The following SLC39A12 variants were observed in gnomAD, a reference collection of about 807,000 sequenced individuals.
The protein encoded by SLC39A12 is solute carrier family 39 member 12, also known as zinc transporter ZIP12.
In SLC39A12, 63 loss-of-function variants were observed where a neutral mutation model predicts 71.1. The observed-to-expected ratio is 0.89, with a 90% CI of 0.72 to 1.09. SLC39A12 has a LOEUF of 1.09. Ranked by LOEUF, SLC39A12 falls within the 50% of genes least tolerant of loss-of-function variation. SLC39A12 has a pLI of 0.00. For missense variants in SLC39A12, 892 were observed against 812.6 expected (o/e 1.10, Z -1.19); for synonymous variants, 351 against 301.3 (o/e 1.16, Z -1.71).
chr10:18,042,451 C>T (rs1019692280), intron 12 of SLC39A12, among the ~76,000 whole-genome samples: 2 of 140,286 alleles, frequency 1.4e-5, no homozygotes, highest in African/African-American at 2.8e-5. Context: ...GGGCAAAGAC[C>T]CTGCCTCAAA....
At chr10:17,988,636 A>G (rs1319622012) in intron 7 of SLC39A12, among the ~76,000 whole-genome samples, 1 of 152,208 alleles carries the variant, frequency 6.6e-6, no homozygotes, top group African/African-American at 2.4e-5. Flanking sequence ...GCATCTCCTC[A>G]GCTACCTTGC....
chr10:18,026,344 A>G lies in SLC39A12; in HGVS notation c.1948-16361A>G, dbSNP rs1836677895. On this transcript the variant is annotated intron_variant, in intron 12 of 12. Transcript: ENST00000377369. ...AGGGTGCAGGATTTTCGGTGGGTGGATTTTTTCTCTTAACACTTTAAATAT... is the reference window on the plus strand; with the variant it reads ...AGGGTGCAGGATTTTCGGTGGGTGGGTTTTTTCTCTTAACACTTTAAATAT... Among the ~76,000 whole-genome samples the G allele has an allele frequency of 2.6e-5, 4 of 151,848 alleles. No individual in the cohort carries two copies. In the South Asian group the frequency reaches 8.3e-4, roughly 32 times the overall value.
chr10:18,036,784 A>ATTT (rs1277319900), intron 12 of SLC39A12, among the ~76,000 whole-genome samples: 1 of 7,682 alleles, frequency 1.3e-4, no homozygotes, highest in Admixed American at 1.0e-3. Flanking sequence ...ATATATATAT[A>ATTT]TATATATATA....
At chr10:18,008,561 G>A (rs924569072) in intron 12 of SLC39A12, 8 of 152,018 alleles carry the variant, frequency 5.3e-5, no homozygotes, top group African/African-American at 9.7e-5. Flanking sequence ...TCCAACCGTC[G>A]GTCCACGGAA....
In SLC39A12 at chr10:18,006,703, C is replaced by A. The variant is rs186877897; in HGVS notation, c.1947+3345C>A. On this transcript the variant is annotated intron_variant, in intron 12 of 12. Coordinates refer to ENST00000377369, the MANE Select transcript of SLC39A12 (RefSeq NM_001145195.2). ...ATAGTTTACCTGGGAAAGGAAGAGG[C>A]TTTATCTACAGGCTCTTGTCCCTGT... 2.7e-3 allele frequency among the ~76,000 whole-genome samples: 418 copies of A among 152,320 alleles called. 5 individuals carry two copies. Among genetic ancestry groups the A allele is most frequent in the South Asian group, 0.02 (98 of 4,830 alleles).
chr10:17,958,937 T>G (rs941059565), intron 2 of SLC39A12, among the ~76,000 whole-genome samples: 1 of 152,256 alleles, frequency 6.6e-6, no homozygotes, highest in Admixed American at 6.5e-5. Flanking sequence ...TATTAAAAAA[T>G]TCATTACTTT....
At chr10:18,008,481 A>G (rs1836100925) in intron 12 of SLC39A12, 1 of 152,224 alleles carries the variant, frequency 6.6e-6, no homozygotes, top group Admixed American at 6.5e-5. Flanking sequence ...ATTACAATGT[A>G]ATAATAATAG....
At chr10:17,985,123 A>T (rs754294643) in intron 6 of SLC39A12, among the ~76,000 whole-genome samples, 1 of 152,172 alleles carries the variant, frequency 6.6e-6, no homozygotes, top group Admixed American at 6.5e-5. Flanking sequence ...GTGGTGGATC[A>T]TTTGAGGTCA....
intron 12 of SLC39A12, among the ~76,000 whole-genome samples, chr10:18,034,204 C>A (rs1441527666): frequency 6.6e-6 from 1 of 151,450 alleles, no homozygotes; most frequent in Admixed American, 6.6e-5. Context: ...CCTGGGTATC[C>A]TTGTTGACTT....
At chr10:17,975,984 G>GC (rs1279656064) in intron 4 of SLC39A12, among the ~76,000 whole-genome samples, 1 of 152,110 alleles carries the variant, frequency 6.6e-6, no homozygotes, top group Admixed American at 6.5e-5. Context: ...AAATTGCCAT[G>GC]CCCCCCTACT....
chr10:18,036,804 T>TTTTTTTTTTTTG (rs1837061295), intron 12 of SLC39A12, among the ~76,000 whole-genome samples: 1 of 128,566 alleles, frequency 7.8e-6, no homozygotes, highest in African/African-American at 3.0e-5. Context: ...ATTTTTTTTT[T>TTTTTTTTTTTTG]TAATGGAATC....
chr10:18,030,837 C>T (rs962921033), intron 12 of SLC39A12, among the ~76,000 whole-genome samples: 6 of 132,106 alleles, frequency 4.5e-5, no homozygotes, highest in Non-Finnish European at 9.5e-5. Context: ...GTGATATTCC[C>T]CTTCCTGTGT....
chr10:18,030,416 T>C (rs1169171770), intron 12 of SLC39A12, among the ~76,000 whole-genome samples: 1 of 151,694 alleles, frequency 6.6e-6, no homozygotes, highest in Non-Finnish European at 1.5e-5. Flanking sequence ...TTTTTGTATT[T>C]TTTTAGTAGA....
At chr10:18,041,630 T>C (rs188534599) in intron 12 of SLC39A12, among the ~76,000 whole-genome samples, 6 of 124,344 alleles carry the variant, frequency 4.8e-5, no homozygotes, top group South Asian at 2.4e-4. Flanking sequence ...TATGTATATA[T>C]GTGTATATAT....
chr10:18,021,054 T>C (rs1204005564), intron 12 of SLC39A12, among the ~76,000 whole-genome samples: 2 of 152,122 alleles, frequency 1.3e-5, no homozygotes, highest in Non-Finnish European at 2.9e-5. Flanking sequence ...AAGACTGATA[T>C]CCAGGATGGT....
At chr10:17,972,167 A>G (rs1252304622) in intron 4 of SLC39A12, among the ~76,000 whole-genome samples, 1 of 152,126 alleles carries the variant, frequency 6.6e-6, no homozygotes, top group African/African-American at 2.4e-5. Flanking sequence ...ATTGATTTCT[A>G]GTTTTATTTC....
intron 11 of SLC39A12, among the ~76,000 whole-genome samples, chr10:18,001,283 G>A (rs1253210237): frequency 2.0e-5 from 3 of 152,200 alleles, no homozygotes; most frequent in Non-Finnish European, 4.4e-5. Context: ...GGGAGGCCGA[G>A]GCATGTGGAT....
chr10:18,005,018 G>A (rs1411289587), intron 12 of SLC39A12, among the ~76,000 whole-genome samples: 1 of 147,446 alleles, frequency 6.8e-6, no homozygotes, highest in Non-Finnish European at 1.5e-5. Flanking sequence ...AGTGGGAGCT[G>A]AGCGATAAGA....
intron 12 of SLC39A12, among the ~76,000 whole-genome samples, chr10:18,036,896 C>G (rs539292878): frequency 1.9e-4 from 28 of 150,704 alleles, no homozygotes; most frequent in African/African-American, 6.6e-4. Flanking sequence ...AAACGATTCT[C>G]TTGCCTCAGC....
Sources: gnomAD v4.1 joint callset for allele counts (sites outside exome capture counted in the v4.1 genomes callset) on GRCh38, gnomAD v4.1.1 for gene constraint, MANE v1.5 for transcripts, NCBI Gene and HGNC (gene_info 2026-07-23, HGNC 2026-07-21) for gene names.